RERE: variants seen among roughly 807,000 people sequenced by gnomAD.
The protein encoded by RERE is arginine-glutamic acid dipeptide repeats protein.
A neutral mutation model predicts 146.1 loss-of-function variants in RERE; 40 were observed. The ratio of observed to expected loss-of-function variants is 0.27; its 90% CI spans 0.21 to 0.36. The LOEUF is 0.36. Ranked by LOEUF, RERE falls within the 10% of genes least tolerant of loss-of-function variation. RERE has a pLI of 1.00. For missense variants in RERE, 1,933 were observed against 2,138.7 expected, an observed-to-expected ratio of 0.90 and a Z score of 1.90; for synonymous variants, 1,003 against 866.0, an observed-to-expected ratio of 1.16 and a Z score of -2.78.
chr1:8,396,188 A>AG (rs35000955), intron 12 of RERE, among the ~76,000 whole-genome samples: 1 of 152,064 alleles, frequency 6.6e-6, no homozygotes, highest in East Asian at 1.9e-4. Context: ...GGAAAGTGGG[A>AG]GGGGGGAAGG....
intron 6 of RERE, among the ~76,000 whole-genome samples, chr1:8,551,112 C>T (rs1645929876): frequency 1.3e-5 from 2 of 152,144 alleles, no homozygotes; most frequent in African/African-American, 2.4e-5. Context: ...ATAACCTGAC[C>T]TGCAGTAGGA....
chr1:8,801,277 T>A (rs1460734279), intron 1 of RERE, among the ~76,000 whole-genome samples: 1 of 151,898 alleles, frequency 6.6e-6, no homozygotes, highest in African/African-American at 2.4e-5. Context: ...ATTGTTCTTT[T>A]TTTTTTTTTG....
intron 1 of RERE, among the ~76,000 whole-genome samples, chr1:8,674,401 T>G (rs1442913893): frequency 6.6e-6 from 1 of 152,080 alleles, no homozygotes; most frequent in Non-Finnish European, 1.5e-5. Flanking sequence ...CCAAATAAGT[T>G]TTCTTAAATA....
chr1:8,595,056 A>C (rs1646538757), intron 4 of RERE, among the ~76,000 whole-genome samples: 1 of 151,694 alleles, frequency 6.6e-6, no homozygotes, highest in Non-Finnish European at 1.5e-5. Context: ...AGCTACTCAA[A>C]AGGCTGAGGC....
intron 1 of RERE, among the ~76,000 whole-genome samples, chr1:8,776,813 G>A (rs183085434): frequency 0.011 from 1,715 of 151,992 alleles, 25 homozygotes; most frequent in Non-Finnish European, 0.019. Context: ...CGACCTCCCC[G>A]GGATCAGGTG....
At chr1:8,776,131 ATTC>A (rs1641059857) in intron 1 of RERE, among the ~76,000 whole-genome samples, 2 of 152,326 alleles carry the variant, frequency 1.3e-5, no homozygotes, top group Non-Finnish European at 2.9e-5. Context: ...TAATCTCTAA[ATTC>A]TTCATCTGTT....
At chr1:8,435,405 A>G (rs1323346709) in intron 11 of RERE, among the ~76,000 whole-genome samples, 4 of 152,240 alleles carry the variant, frequency 2.6e-5, no homozygotes, top group African/African-American at 7.2e-5. Context: ...GATTGGGCTT[A>G]GTGTTCCTCC....
chr1:8,445,194 T>C (rs1206853246), intron 11 of RERE, among the ~76,000 whole-genome samples: 2 of 152,230 alleles, frequency 1.3e-5, no homozygotes, highest in African/African-American at 4.8e-5. Flanking sequence ...GTACCAAGCA[T>C]GCTTCCACAT....
chr1:8,710,677 G>A (rs1273583580), intron 1 of RERE, among the ~76,000 whole-genome samples: 3 of 152,066 alleles, frequency 2.0e-5, no homozygotes, highest in African/African-American at 4.8e-5. Context: ...CACCACGCCC[G>A]GCTAATTTTT....
chr1:8,442,349 T>C (rs1210498641), intron 11 of RERE, among the ~76,000 whole-genome samples: 1 of 145,186 alleles, frequency 6.9e-6, no homozygotes, highest in African/African-American at 2.6e-5. Context: ...GTGCCGCCAC[T>C]GCAGTCCAGC....
At chr1:8,814,608 C>T (rs1293516434) in intron 1 of RERE, among the ~76,000 whole-genome samples, 1 of 152,202 alleles carries the variant, frequency 6.6e-6, no homozygotes, top group Non-Finnish European at 1.5e-5. Context: ...AACTCCTCCT[C>T]TACCCCTCTA....
intron 2 of RERE, among the ~76,000 whole-genome samples, chr1:8,654,648 T>TTTTTTTG (rs1638227355): frequency 6.6e-6 from 1 of 151,796 alleles, no homozygotes; most frequent in African/African-American, 2.4e-5. Context: ...TTGTTTTTTT[T>TTTTTTTG]TTTGAGACAG....
chr1:8,469,636 T>C (rs994706630), intron 10 of RERE, among the ~76,000 whole-genome samples: 5 of 151,922 alleles, frequency 3.3e-5, no homozygotes, highest in Non-Finnish European at 5.9e-5. Context: ...AAAATAATAA[T>C]AGTAATAAGA....
At chr1:8,461,841 T>TTTA (rs541386263) in intron 11 of RERE, among the ~76,000 whole-genome samples, 5 of 151,970 alleles carry the variant, frequency 3.3e-5, no homozygotes, top group Admixed American at 2.6e-4. Flanking sequence ...CAAAAGTACT[T>TTTA]TTATTATTAT....
At position 8,361,735 on chromosome 1, in the gene RERE, CTCAGCAAGGCTCA is replaced by C. The variant is rs776043447; in HGVS notation, c.2016+15_2016+27del. On this transcript the variant is annotated intron_variant, in intron 17 of 22. Transcript: ENST00000400908. ...GGCTTCTGAAGAAGCATTAGCTTTA[CTCAGCAAGGCTCA>C]GCAGCAAACCTCACCTGCGTTTTTG... The C allele has an allele frequency of 1.9e-6, 3 of 1,569,088 alleles. No homozygotes were observed. The highest frequency in any genetic ancestry group is 2.2e-5 in the South Asian group (2 of 90,042).
intron 1 of RERE, among the ~76,000 whole-genome samples, chr1:8,777,292 C>G (rs1641081986): frequency 6.6e-6 from 1 of 152,146 alleles, no homozygotes; most frequent in South Asian, 2.1e-4. Context: ...AAAACACATA[C>G]TATCAAGTGT....
intron 1 of RERE, among the ~76,000 whole-genome samples, chr1:8,761,074 T>G (rs754422987): frequency 7.2e-5 from 11 of 152,186 alleles, no homozygotes; most frequent in Non-Finnish European, 1.3e-4. Context: ...ATCCTTCTGT[T>G]CTCAAGCTCA....
At chr1:8,362,586 ATCC>A in intron 16 of RERE, 94 bp downstream of exon 16, 1 of 1,469,798 alleles carries the variant, frequency 6.8e-7, no homozygotes, top group South Asian at 1.2e-5. Context: ...AATGAGCTGC[ATCC>A]TCGTGTCTGA....
intron 4 of RERE, among the ~76,000 whole-genome samples, chr1:8,568,391 G>A (rs1251552167): frequency 6.6e-6 from 1 of 152,158 alleles, no homozygotes; most frequent in Non-Finnish European, 1.5e-5. Context: ...GGCCTGCGAT[G>A]GTCTAAATGT....
Sources: gnomAD v4.1 joint callset for allele counts (sites outside exome capture counted in the v4.1 genomes callset) on GRCh38, gnomAD v4.1.1 for gene constraint, MANE v1.5 for transcripts, NCBI Gene and HGNC (gene_info 2026-07-23, HGNC 2026-07-21) for gene names.